The following LHFPL3 variants were observed in gnomAD, a reference collection of about 807,000 sequenced individuals.
LHFPL3 encodes LHFPL tetraspan subfamily member 3.
A neutral mutation model predicts 19.3 loss-of-function variants in LHFPL3; 5 were observed. That is an observed-to-expected ratio of 0.26 (90% CI 0.14 to 0.54). The LOEUF (loss-of-function observed/expected upper bound fraction) is 0.54, where lower values mean the gene tolerates loss of function less well. Ranked by LOEUF, LHFPL3 falls within the 20% of genes least tolerant of loss-of-function variation. The pLI is 0.94. For synonymous variants in LHFPL3, 133 were observed against 126.2 expected (o/e 1.05, Z -0.36); for missense variants, 249 against 307.4 (o/e 0.81, Z 1.42).
chr7:104,900,741 G>A (rs1792466474), intron 2 of LHFPL3, among the ~76,000 whole-genome samples: 1 of 152,138 alleles, frequency 6.6e-6, no homozygotes, highest in Non-Finnish European at 1.5e-5. Flanking sequence ...CTGGACAATA[G>A]GGCCATTATA....
At chr7:104,604,138 G>A (rs945247122) in intron 1 of LHFPL3, among the ~76,000 whole-genome samples, 4 of 152,142 alleles carry the variant, frequency 2.6e-5, no homozygotes, top group Non-Finnish European at 4.4e-5. Context: ...AATCTAGGTG[G>A]AGACCGCCAT....
intron 1 of LHFPL3, among the ~76,000 whole-genome samples, chr7:104,433,377 C>T (rs553477856): frequency 7.2e-5 from 11 of 152,294 alleles, no homozygotes; most frequent in African/African-American, 2.6e-4. Context: ...CCACTCCCCC[C>T]AGGGCTCTCT....
intron 2 of LHFPL3, among the ~76,000 whole-genome samples, chr7:104,875,459 G>A (rs528210470): frequency 1.1e-4 from 17 of 152,250 alleles, no homozygotes; most frequent in Non-Finnish European, 1.8e-4. Context: ...CTTGACTCCA[G>A]GCAGGTTATT....
chr7:104,667,375 C>T (rs1173287111), intron 1 of LHFPL3, among the ~76,000 whole-genome samples: 57 of 152,288 alleles, frequency 3.7e-4, no homozygotes, highest in Non-Finnish European at 8.8e-5. Flanking sequence ...TTTCACCCTC[C>T]CTGCCTGTAT....
chr7:104,453,686 T>TGG (rs141509291), intron 1 of LHFPL3, among the ~76,000 whole-genome samples: 2,234 of 152,126 alleles, frequency 0.015, 72 homozygotes, highest in East Asian at 0.13. Flanking sequence ...TGGGGCCCGG[T>TGG]GGGAGGTGTT....
chr7:104,753,621 C>T (rs1794219294), intron 2 of LHFPL3, among the ~76,000 whole-genome samples: 1 of 151,004 alleles, frequency 6.6e-6, no homozygotes, highest in Non-Finnish European at 1.5e-5. Flanking sequence ...ACACAAAGAC[C>T]AGATGATAGA....
At chr7:104,634,380 T>C (rs1317571115) in intron 1 of LHFPL3, among the ~76,000 whole-genome samples, 1 of 152,110 alleles carries the variant, frequency 6.6e-6, no homozygotes, top group Non-Finnish European at 1.5e-5. Context: ...GGAAATAGAG[T>C]ACAAGTGTCT....
chr7:104,717,366 G>A (rs539000406), intron 1 of LHFPL3, among the ~76,000 whole-genome samples: 4 of 152,082 alleles, frequency 2.6e-5, no homozygotes, highest in African/African-American at 9.7e-5. Context: ...AAGTGATAAG[G>A]CAACCTATGG....
At chr7:104,565,542 G>A (rs1348322893) in intron 1 of LHFPL3, among the ~76,000 whole-genome samples, 1 of 152,174 alleles carries the variant, frequency 6.6e-6, no homozygotes, top group Non-Finnish European at 1.5e-5. Flanking sequence ...TTGAGGAAGA[G>A]AAATGAAAGC....
At chr7:104,512,486 C>G (rs1206301703) in intron 1 of LHFPL3, among the ~76,000 whole-genome samples, 1 of 151,766 alleles carries the variant, frequency 6.6e-6, no homozygotes, top group Non-Finnish European at 1.5e-5. Context: ...CCTGTAATCC[C>G]AACACTTTGG....
intron 1 of LHFPL3, among the ~76,000 whole-genome samples, chr7:104,500,450 G>A (rs1049152870): frequency 2.0e-5 from 3 of 152,154 alleles, no homozygotes; most frequent in African/African-American, 7.2e-5. Context: ...GATAATTAGT[G>A]AATTCAATGA....
intron 2 of LHFPL3, among the ~76,000 whole-genome samples, chr7:104,764,774 C>A (rs1190685576): frequency 6.6e-6 from 1 of 152,164 alleles, no homozygotes; most frequent in Non-Finnish European, 1.5e-5. Context: ...GTATTTATAA[C>A]TATATATTGA....
At chr7:104,384,444 C>T (rs1025547604) in intron 1 of LHFPL3, among the ~76,000 whole-genome samples, 1 of 151,948 alleles carries the variant, frequency 6.6e-6, no homozygotes, top group South Asian at 2.1e-4. Context: ...GAGCAGCTAT[C>T]TGTAAGTTTG....
At position 104,553,655 on chromosome 7, in the gene LHFPL3, G is replaced by A. The variant is rs144279651; in HGVS notation, c.446-183020G>A. On this transcript the variant is annotated intron_variant, in intron 1 of 2. Coordinates refer to ENST00000424859, the MANE Select transcript of LHFPL3 (RefSeq NM_199000.3). ...AACTTTTCTTTTGCTGTGCCTTACC[G>A]ATTTACATTACAGTCCTCAGGAGCC... Among the ~76,000 whole-genome samples, 264 of 152,120 alleles carry A rather than the reference G, an allele frequency of 1.7e-3. 3 individuals are homozygous for A. The highest frequency in any genetic ancestry group is 5.6e-3 in the African/African-American group (234 of 41,514).
At chr7:104,413,213 A>G (rs999954022) in intron 1 of LHFPL3, among the ~76,000 whole-genome samples, 10 of 152,196 alleles carry the variant, frequency 6.6e-5, no homozygotes, top group African/African-American at 1.4e-4. Context: ...GACCCCAGGT[A>G]GTGTTGACCT....
chr7:104,529,764 A>G (rs535634679), intron 1 of LHFPL3, among the ~76,000 whole-genome samples: 1 of 152,296 alleles, frequency 6.6e-6, no homozygotes, highest in Non-Finnish European at 1.5e-5. Flanking sequence ...AGGGATGGGC[A>G]GTGCCTATGT....
At chr7:104,538,908 A>C (rs1794437745) in intron 1 of LHFPL3, among the ~76,000 whole-genome samples, 2 of 152,216 alleles carry the variant, frequency 1.3e-5, no homozygotes. Context: ...TCTTAAAATC[A>C]GAGAACCTTT....
At chr7:104,656,739 G>A (rs928702030) in intron 1 of LHFPL3, among the ~76,000 whole-genome samples, 2 of 152,244 alleles carry the variant, frequency 1.3e-5, no homozygotes, top group Non-Finnish European at 2.9e-5. Context: ...GACCTGAGGA[G>A]TCATGGACCT....
intron 1 of LHFPL3, among the ~76,000 whole-genome samples, chr7:104,684,415 T>C (rs2116104518): frequency 6.6e-6 from 1 of 152,356 alleles, no homozygotes; most frequent in Admixed American, 6.5e-5. Flanking sequence ...ACTGCTCAAT[T>C]CTGACATTGT....
Sources: allele counts gnomAD v4.1 joint callset (sites outside exome capture counted in the v4.1 genomes callset), GRCh38; gene constraint gnomAD v4.1.1; transcripts MANE v1.5; gene names NCBI Gene and HGNC (gene_info 2026-07-23, HGNC 2026-07-21).